Variants in ABLIM2 observed in about 807,000 individuals in gnomAD.
ABLIM2 encodes actin binding LIM protein family member 2, also known as actin-binding LIM protein 2.
A neutral mutation model predicts 97.7 loss-of-function variants in ABLIM2; 53 were observed. The ratio of observed to expected loss-of-function variants is 0.54; its 90% CI spans 0.44 to 0.68. The LOEUF (loss-of-function observed/expected upper bound fraction) is 0.68, where lower values mean the gene tolerates loss of function less well. Among genes scored for constraint, ABLIM2 ranks in the 30% least tolerant of loss-of-function variants. The pLI, the probability that ABLIM2 is intolerant of heterozygous loss-of-function variation, is 0.00. For synonymous variants in ABLIM2, 361 were observed against 345.8 expected (o/e 1.04, Z -0.49); for missense variants, 835 against 867.2 (o/e 0.96, Z 0.47).
At position 8,015,507 on chromosome 4, in the gene ABLIM2, A is replaced by C. The variant is rs570077785; in HGVS notation, c.1423+4111T>G. ...CACCCTTTGAGGTCAAAAAGGACCC[A>C]AAACCAAAATGAAACTCAACCCCAC... is the stretch of plus-strand genomic sequence containing the variant. On this transcript the variant is annotated intron_variant, in intron 14 of 20. Transcript: ENST00000447017. The surrounding 1 kb of genome is among the most constrained non-coding windows in gnomAD (Gnocchi z 4.6). Among the ~76,000 whole-genome samples the C allele has an allele frequency of 6.6e-6, 1 of 152,296 alleles. No individual in the cohort carries two copies. Among genetic ancestry groups the C allele is most frequent in the Non-Finnish European group, 1.5e-5 (1 of 68,020 alleles).
intron 8 of ABLIM2, among the ~76,000 whole-genome samples, chr4:8,049,205 T>C (rs1266315016): frequency 6.6e-6 from 1 of 152,248 alleles, no homozygotes; most frequent in African/African-American, 2.4e-5. Context: ...TATTCACCTC[T>C]ATGTTCACAG....
At chr4:7,967,614 T>A (rs1442285141) in intron 20 of ABLIM2, among the ~76,000 whole-genome samples, 1 of 152,166 alleles carries the variant, frequency 6.6e-6, no homozygotes, top group African/African-American at 2.4e-5. Flanking sequence ...AAATCCTCCC[T>A]CCACCGGAAG....
intron 20 of ABLIM2, among the ~76,000 whole-genome samples, chr4:7,979,707 G>A (rs1461525204): frequency 2.0e-5 from 3 of 152,090 alleles, no homozygotes; most frequent in African/African-American, 4.8e-5. Flanking sequence ...CCTCTCTCCC[G>A]GTTATCTAAG....
At chr4:8,146,743 TG>T (rs1851861622) in intron 1 of ABLIM2, among the ~76,000 whole-genome samples, 1 of 152,202 alleles carries the variant, frequency 6.6e-6, no homozygotes, top group Non-Finnish European at 1.5e-5. Flanking sequence ...TTGCCCAGGC[TG>T]GCCTTGAACT....
At chr4:8,063,215 G>A (rs1438107432) in intron 6 of ABLIM2, among the ~76,000 whole-genome samples, 4 of 152,168 alleles carry the variant, frequency 2.6e-5, no homozygotes, top group African/African-American at 7.2e-5. Context: ...GCAGGCACAC[G>A]CCACCACGCC....
At chr4:8,009,813 C>G (rs1374425520) in intron 14 of ABLIM2, among the ~76,000 whole-genome samples, 1 of 152,160 alleles carries the variant, frequency 6.6e-6, no homozygotes, top group Non-Finnish European at 1.5e-5. Context: ...CTGACTACCC[C>G]GCCCACCCCC....
intron 9 of ABLIM2, among the ~76,000 whole-genome samples, chr4:8,041,912 A>G (rs900411212): frequency 1.8e-5 from 1 of 54,244 alleles, no homozygotes; most frequent in Non-Finnish European, 3.3e-5. Context: ...TCAAAAAAAG[A>G]AAAAAAAAAG....
chr4:8,056,305 C>CTTTTT (rs71175456), intron 7 of ABLIM2, among the ~76,000 whole-genome samples: 13 of 128,180 alleles, frequency 1.0e-4, no homozygotes, highest in South Asian at 2.6e-4. Context: ...TTCTTTCTTT[C>CTTTTT]TTTTTTTTTT....
chr4:8,057,478 A>C (rs1031753430), intron 7 of ABLIM2, among the ~76,000 whole-genome samples: 1 of 152,134 alleles, frequency 6.6e-6, no homozygotes, highest in Non-Finnish European at 1.5e-5. Flanking sequence ...CTAGAAATGG[A>C]GTCTTGGCTC....
At chr4:8,080,919 C>G in intron 4 of ABLIM2, 117 bp from the exon 5 acceptor site, 2 of 1,308,338 alleles carry the variant, frequency 1.5e-6, no homozygotes, top group African/African-American at 1.5e-5. Flanking sequence ...GCGGGACAGA[C>G]CAGCAGCCAC....
chr4:8,069,371 A>G lies in ABLIM2; in HGVS notation c.675+8257T>C, dbSNP rs1810222030. ...GGCAGAATCCCGCCTGTGGATGTTC[A>G]CACGCACTGCAGCGTGTCCAGGCTC... On this transcript the variant is annotated intron_variant, in intron 6 of 20. Transcript: ENST00000447017. This position sits in a 1 kb window ranked among gnomAD's most constrained non-coding sequence, Gnocchi z 4.2. Among the ~76,000 whole-genome samples, 1 of 152,244 alleles carries G rather than the reference A, an allele frequency of 6.6e-6. No homozygotes were observed. Among genetic ancestry groups the G allele is most frequent in the Admixed American group, 6.5e-5 (1 of 15,288 alleles).
intron 9 of ABLIM2, among the ~76,000 whole-genome samples, chr4:8,037,351 C>CAG (rs776495843): frequency 1.3e-5 from 2 of 151,668 alleles, no homozygotes; most frequent in Admixed American, 6.6e-5. Context: ...CACACACACA[C>CAG]ATAAGGCACA....
chr4:7,971,669 G>A (rs1728158881), intron 20 of ABLIM2, among the ~76,000 whole-genome samples: 1 of 152,016 alleles, frequency 6.6e-6, no homozygotes, highest in African/African-American at 2.4e-5. Flanking sequence ...AAGCCTCAGG[G>A]ACCTATGCCA....
intron 2 of ABLIM2, among the ~76,000 whole-genome samples, chr4:8,102,629 C>T (rs775097989): frequency 2.0e-5 from 3 of 152,202 alleles, no homozygotes; most frequent in Non-Finnish European, 2.9e-5. Flanking sequence ...AGGTGGAATT[C>T]GAATGCCCAA....
intron 3 of ABLIM2, among the ~76,000 whole-genome samples, chr4:8,096,341 G>T (rs1222008823): frequency 6.6e-6 from 1 of 152,174 alleles, no homozygotes; most frequent in African/African-American, 2.4e-5. Context: ...AACCAGAGGC[G>T]ATCTTTCAAA....
intron 1 of ABLIM2, among the ~76,000 whole-genome samples, chr4:8,153,480 G>A (rs538369257): frequency 6.6e-5 from 10 of 152,328 alleles, no homozygotes; most frequent in Non-Finnish European, 1.0e-4. Context: ...CCTGGGCAAC[G>A]GCAGTCCTCT....
chr4:8,066,032 T>C (rs1410585779), intron 6 of ABLIM2, among the ~76,000 whole-genome samples: 1 of 139,010 alleles, frequency 7.2e-6, no homozygotes, highest in African/African-American at 2.7e-5. Context: ...CCGGGTGCGG[T>C]GGCTCATGCC....
At position 7,984,900 on chromosome 4, in the gene ABLIM2, GAGAA is replaced by G; in HGVS notation, c.1681-11_1681-8del. ...AGGGGGCCAGATTGGCATTCTGGAAGAGAAAGAGAGGTTGGGCGGCAAGAGACAG... is the reference window on the plus strand; with the variant it reads ...AGGGGGCCAGATTGGCATTCTGGAAGAGAGAGGTTGGGCGGCAAGAGACAG... On this transcript the variant is annotated splice_polypyrimidine_tract_variant and splice_region_variant and intron_variant, in intron 17 of 20. Coordinates refer to ENST00000447017, the MANE Select transcript of ABLIM2 (RefSeq NM_001130083.2). The G allele has an allele frequency of 6.2e-7, 1 of 1,608,608 alleles. No individual in the cohort carries two copies. Among genetic ancestry groups the G allele is most frequent in the Admixed American group, 1.7e-5 (1 of 59,272 alleles).
chr4:8,037,314 AT>A, intron 9 of ABLIM2, among the ~76,000 whole-genome samples: 1 of 147,678 alleles, frequency 6.8e-6, no homozygotes, highest in Non-Finnish European at 1.5e-5. Flanking sequence ...ACGCACATGC[AT>A]GCGCACACAT....
Sources: allele counts gnomAD v4.1 joint callset (sites outside exome capture counted in the v4.1 genomes callset), GRCh38; gene constraint gnomAD v4.1.1; non-coding constraint Gnocchi (gnomAD v3.1); transcripts MANE v1.5; gene names NCBI Gene and HGNC (gene_info 2026-07-23, HGNC 2026-07-21).